The following PRKN variants were observed in gnomAD, a reference collection of about 807,000 sequenced individuals.
PRKN encodes E3 ubiquitin-protein ligase parkin.
In PRKN, 56 loss-of-function variants were observed where a neutral mutation model predicts 59.5. The observed-to-expected ratio is 0.94, with a 90% CI of 0.76 to 1.18. The LOEUF (loss-of-function observed/expected upper bound fraction) is 1.18, where lower values mean the gene tolerates loss of function less well. Among genes scored for constraint, PRKN ranks in the 50% most tolerant of loss-of-function variants. PRKN has a pLI of 0.00. For missense variants in PRKN, 657 were observed against 596.4 expected, an observed-to-expected ratio of 1.10 and a Z score of -1.06; for synonymous variants, 250 against 222.1, an observed-to-expected ratio of 1.13 and a Z score of -1.12.
At chr6:161,522,646 T>C (rs572541625) in intron 9 of PRKN, among the ~76,000 whole-genome samples, 10 of 152,264 alleles carry the variant, frequency 6.6e-5, no homozygotes, top group Non-Finnish European at 1.3e-4. Context: ...ACATTCTCAC[T>C]GTCTTGAGGC....
intron 1 of PRKN, among the ~76,000 whole-genome samples, chr6:162,527,298 A>T (rs545029245): frequency 2.0e-4 from 30 of 152,338 alleles, no homozygotes; most frequent in African/African-American, 6.5e-4. Flanking sequence ...TGAGTGTATG[A>T]TAGAGCTAAT....
chr6:162,235,249 G>T (rs899909315), intron 3 of PRKN, among the ~76,000 whole-genome samples: 2 of 152,100 alleles, frequency 1.3e-5, no homozygotes, highest in Non-Finnish European at 2.9e-5. Context: ...ATCTGAGTGT[G>T]TTTCCAGTTG....
At chr6:162,705,244 A>C (rs771857835) in intron 1 of PRKN, among the ~76,000 whole-genome samples, 20 of 152,134 alleles carry the variant, frequency 1.3e-4, no homozygotes, top group Non-Finnish European at 1.8e-4. Context: ...CTCACCCCTT[A>C]AAGTGATACC....
At chr6:162,089,760 A>G (rs1263921104) in intron 4 of PRKN, among the ~76,000 whole-genome samples, 1 of 152,234 alleles carries the variant, frequency 6.6e-6, no homozygotes, top group Non-Finnish European at 1.5e-5. Context: ...TTTAAACGTC[A>G]TAAGCGAAAG....
intron 2 of PRKN, among the ~76,000 whole-genome samples, chr6:162,421,243 T>A (rs1788944661): frequency 6.6e-6 from 1 of 151,696 alleles, no homozygotes; most frequent in Non-Finnish European, 1.5e-5. Flanking sequence ...CGTGGCTGTT[T>A]TGTGCCAGGC....
At chr6:161,693,140 TA>T (rs1785871429) in intron 7 of PRKN, among the ~76,000 whole-genome samples, 1 of 152,080 alleles carries the variant, frequency 6.6e-6, no homozygotes, top group African/African-American at 2.4e-5. Context: ...GGAGATAATT[TA>T]AAAAGCTTAT....
chr6:162,384,663 CAAA>C (rs370455931), intron 2 of PRKN, among the ~76,000 whole-genome samples: 5 of 125,768 alleles, frequency 4.0e-5, no homozygotes, highest in Admixed American at 8.3e-5. Flanking sequence ...AAAAAAAAAA[CAAA>C]AAAAAAAAAC....
In PRKN at chr6:162,708,131, T is replaced by C. The variant is rs1413198429; in HGVS notation, c.7+19531A>G. On this transcript the variant is annotated intron_variant, in intron 1 of 11. Transcript: ENST00000366898. Reference sequence around the variant, plus strand: ...CTGATAAACATAAAAGCCAACAGCATATTTTAAAGCTATTTTGAAAATATA... The same window carrying C: ...CTGATAAACATAAAAGCCAACAGCACATTTTAAAGCTATTTTGAAAATATA... Among the ~76,000 whole-genome samples, 4 of 152,380 alleles carry C rather than the reference T, an allele frequency of 2.6e-5. No individual in the cohort carries two copies. In the East Asian group the frequency reaches 7.7e-4, roughly 29 times the overall value.
intron 4 of PRKN, among the ~76,000 whole-genome samples, chr6:162,126,334 T>C (rs1174269278): frequency 1.3e-5 from 2 of 152,182 alleles, no homozygotes; most frequent in Admixed American, 1.3e-4. Flanking sequence ...AGATGATGCA[T>C]TAATATACTG....
At position 162,333,661 on chromosome 6, in the gene PRKN, T is replaced by G. The variant is rs2023088; in HGVS notation, c.172-70896A>C. Among the ~76,000 whole-genome samples, 13 of 152,296 alleles carry G rather than the reference T, an allele frequency of 8.5e-5. No homozygotes were observed. In the East Asian group the frequency reaches 2.5e-3, roughly 29 times the overall value. ...GTCTTTCTCCTCAGGTGTGCCTCCC[T>G]ATAGCCTGAGACGCAACTATACTGT... On this transcript the variant is annotated intron_variant, in intron 2 of 11. Transcript: ENST00000366898.
At position 161,575,607 on chromosome 6, in the gene PRKN, G is replaced by A. The variant is rs1227305906; in HGVS notation, c.872-6191C>T. On this transcript the variant is annotated intron_variant, in intron 7 of 11. Coordinates refer to ENST00000366898, the MANE Select transcript of PRKN (RefSeq NM_004562.3). The surrounding 1 kb of genome is among the most constrained non-coding windows in gnomAD (Gnocchi z 4.6). ...AATTTCTTTGCAAGTCATCACAGGA[G>A]CAATTGTGATATCCTTTGGGTTCAA... 6.6e-6 allele frequency among the ~76,000 whole-genome samples: 1 copy of A among 152,134 alleles called. No homozygotes were observed. Among genetic ancestry groups the A allele is most frequent in the African/African-American group, 2.4e-5 (1 of 41,430 alleles).
Position 161,549,149 on chromosome 6 carries a change from G to A in PRKN, c.934-146C>T, listed in dbSNP as rs1161453995. 4 of 840,252 alleles carry A rather than the reference G, an allele frequency of 4.8e-6. No individual in the cohort carries two copies. The highest frequency in any genetic ancestry group is 7.9e-6 in the Non-Finnish European group (4 of 507,720). 52.0% of individuals were successfully genotyped at this position (840,252 alleles called of 1,614,324 possible). On this transcript the variant is annotated intron_variant, in intron 8 of 11. Transcript: ENST00000366898. This position sits in a 1 kb window ranked among gnomAD's most constrained non-coding sequence, Gnocchi z 6.0. Reference sequence around the variant, plus strand: ...GTGTGTGTGTGTGTGTGTAGGGGGAGGGAGAGGGCCACGGGGTTGATAGGG... The same window carrying A: ...GTGTGTGTGTGTGTGTGTAGGGGGAAGGAGAGGGCCACGGGGTTGATAGGG...
At chr6:162,522,305 G>C (rs1273186361) in intron 1 of PRKN, among the ~76,000 whole-genome samples, 11 of 152,058 alleles carry the variant, frequency 7.2e-5, no homozygotes. Context: ...TGTATTTTTT[G>C]TAGAGATGGG....
At chr6:161,699,338 C>G (rs78368416) in intron 7 of PRKN, among the ~76,000 whole-genome samples, 4,504 of 152,154 alleles carry the variant, frequency 0.03, 220 homozygotes, top group African/African-American at 0.1. Context: ...TATTCCACTC[C>G]TAAGTATTTA....
chr6:161,777,722 C>CAT (rs1297778238), intron 7 of PRKN, among the ~76,000 whole-genome samples: 7 of 136,856 alleles, frequency 5.1e-5, no homozygotes, highest in Non-Finnish European at 1.1e-4. Flanking sequence ...ATTTTATATA[C>CAT]ATATATATCT....
At chr6:162,037,368 G>T (rs574070417) in intron 5 of PRKN, among the ~76,000 whole-genome samples, 2 of 152,226 alleles carry the variant, frequency 1.3e-5, no homozygotes, top group Non-Finnish European at 2.9e-5. Context: ...TGAAGTAAAA[G>T]ATGCAAGTTA....
At chr6:162,647,205 TTC>T (rs562008370) in intron 1 of PRKN, among the ~76,000 whole-genome samples, 145 of 151,856 alleles carry the variant, frequency 9.5e-4, no homozygotes, top group African/African-American at 3.4e-3. Flanking sequence ...ATAAAGAGAG[TTC>T]TCTTTCTAGA....
intron 2 of PRKN, among the ~76,000 whole-genome samples, chr6:162,320,628 T>A (rs1382230672): frequency 6.6e-6 from 1 of 151,756 alleles, no homozygotes; most frequent in Admixed American, 6.6e-5. Flanking sequence ...GTGCTGCTAA[T>A]TGGGAATTTA....
rs183735374 is a variant in PRKN at position 161,663,819 on chromosome 6, C to T, written c.872-94403G>A. 3.5e-3 allele frequency among the ~76,000 whole-genome samples: 536 copies of T among 152,306 alleles called. 1 individual carries two copies. The highest frequency in any genetic ancestry group is 4.7e-3 in the Non-Finnish European group (322 of 68,036). ...TATGATTCTCTAAGCTCCCAACAGC[C>T]GGCCCTGTGGTGAGAGGGTGGCTGG... On this transcript the variant is annotated intron_variant, in intron 7 of 11. Coordinates refer to ENST00000366898, the MANE Select transcript of PRKN (RefSeq NM_004562.3).
Sources: gnomAD v4.1 joint callset for allele counts (sites outside exome capture counted in the v4.1 genomes callset) on GRCh38, gnomAD v4.1.1 for gene constraint, Gnocchi (gnomAD v3.1) non-coding constraint, MANE v1.5 for transcripts, NCBI Gene and HGNC (gene_info 2026-07-23, HGNC 2026-07-21) for gene names.